PDE4C: variants seen among roughly 807,000 people sequenced by gnomAD.
PDE4C encodes 3',5'-cyclic-AMP phosphodiesterase 4C.
PDE4C carries 50 observed loss-of-function variants against 63.9 expected under a neutral mutation model. That is an observed-to-expected ratio of 0.78 (90% CI 0.62 to 0.99). The LOEUF (loss-of-function observed/expected upper bound fraction) is 0.99. PDE4C is among the 50% of genes least tolerant of loss of function. The pLI, the probability that PDE4C is intolerant of heterozygous loss-of-function variation, is 0.00. For missense variants in PDE4C, 777 were observed against 899.1 expected, an observed-to-expected ratio of 0.86 and a Z score of 1.74; for synonymous variants, 377 against 385.1, an observed-to-expected ratio of 0.98 and a Z score of 0.25.
intron 1 of PDE4C, among the ~76,000 whole-genome samples, chr19:18,238,923 G>A (rs971262867): frequency 1.8e-4 from 28 of 151,934 alleles, no homozygotes; most frequent in Middle Eastern, 3.4e-3. Context: ...CCCGGGAGGC[G>A]GAGGCTGCAG....
chr19:18,233,303 CGAGGA>C, exon 1 of PDE4C: 1 of 1,448,152 alleles, frequency 6.9e-7, no homozygotes. Context: ...GAGGCGACAG[CGAGGA>C]GCTGTCCGCG....
At chr19:18,217,049 G>A (rs1017401836) in intron 11 of PDE4C, 154 bp from the exon 12 acceptor site, 15 of 787,556 alleles carry the variant, frequency 1.9e-5, no homozygotes, top group African/African-American at 5.3e-5. Context: ...GGTCCCTGGC[G>A]CTTCCCTGAC....
intron 12 of PDE4C, among the ~76,000 whole-genome samples, chr19:18,214,923 T>TGAGTGACA (rs1464581515): frequency 2.0e-4 from 28 of 138,054 alleles, no homozygotes; most frequent in African/African-American, 7.5e-4. Flanking sequence ...CACTCCAGCC[T>TGAGTGACA]GAGTGACAGA....
exon 1 of PDE4C, chr19:18,233,022 C>T (rs1362777502): frequency 6.5e-7 from 1 of 1,539,648 alleles, no homozygotes; most frequent in Non-Finnish European, 8.8e-7. Flanking sequence ...GTCCCTCTCG[C>T]GGCAGCCCGC....
At chr19:18,252,319 G>A, upstream of PDE4C, 1 of 399,122 alleles carries the variant, frequency 2.5e-6, no homozygotes, top group Non-Finnish European at 4.4e-6. Flanking sequence ...GAACTTGAGG[G>A]GCTGAGGTGG....
chr19:18,234,975 G>A (rs546114893), upstream of PDE4C, among the ~76,000 whole-genome samples: 2 of 152,278 alleles, frequency 1.3e-5, no homozygotes, highest in Admixed American at 1.3e-4. Context: ...TCACTGGCTG[G>A]CTCTGTCACT....
upstream of PDE4C, among the ~76,000 whole-genome samples, chr19:18,252,694 T>C (rs1378314340): frequency 6.6e-6 from 1 of 151,988 alleles, no homozygotes; most frequent in African/African-American, 2.4e-5. Flanking sequence ...CTCAGCTCAC[T>C]GCAACCTCCA....
upstream of PDE4C, among the ~76,000 whole-genome samples, chr19:18,228,314 G>A (rs1161517489): frequency 6.6e-6 from 1 of 152,176 alleles, no homozygotes; most frequent in African/African-American, 2.4e-5. Context: ...TGTAAACTGA[G>A]TGCTTCAAAA....
chr19:18,230,628 A>G (rs1018762716), upstream of PDE4C, among the ~76,000 whole-genome samples: 3 of 152,112 alleles, frequency 2.0e-5, no homozygotes, highest in African/African-American at 7.2e-5. Context: ...GGCTTTGCAC[A>G]TTCTGTTCCT....
At position 18,220,037 on chromosome 19, in the gene PDE4C, G is replaced by A. The variant is rs748309853; in HGVS notation, c.706+189C>T. 5.3e-5 allele frequency among the ~76,000 whole-genome samples: 8 copies of A among 152,026 alleles called. No homozygotes were observed. Among genetic ancestry groups the A allele is most frequent in the African/African-American group, 9.7e-5 (4 of 41,402 alleles). The stretch of plus-strand genomic sequence containing the variant: ...AAATTTCTACTCATGCTTCAAAACC[G>A]TAGCTTTAATGTCCCCTGCTCCTGG... On this transcript the variant is annotated intron_variant, in intron 7 of 14. Transcript: ENST00000262805. The surrounding 1 kb of genome is among the most constrained non-coding windows in gnomAD (Gnocchi z 5.1).
chr19:18,230,633 G>A (rs1339638178), upstream of PDE4C, among the ~76,000 whole-genome samples: 1 of 152,136 alleles, frequency 6.6e-6, no homozygotes, highest in Non-Finnish European at 1.5e-5. Flanking sequence ...TGCACATTCT[G>A]TTCCTTCTAC....
At chr19:18,243,110 CT>C (rs986056338) in intron 1 of PDE4C, among the ~76,000 whole-genome samples, 27 of 151,422 alleles carry the variant, frequency 1.8e-4, no homozygotes, top group Admixed American at 2.6e-4. Context: ...TGACTGGTGA[CT>C]TTTTTTTTCT....
At chr19:18,216,686 A>G in intron 12 of PDE4C, 55 bp downstream of exon 12, 1 of 1,505,482 alleles carries the variant, frequency 6.6e-7, no homozygotes, top group Non-Finnish European at 8.9e-7. Context: ...TGCAGATGAG[A>G]AGGATGCCCC....
chr19:18,209,997 G>A (rs1302657657), downstream of PDE4C: 1 of 151,594 alleles, frequency 6.6e-6, no homozygotes, highest in African/African-American at 2.4e-5. Context: ...CTCGGCCTCA[G>A]AGCCCCGTCT....
At chr19:18,250,003 G>A (rs78460932), upstream of PDE4C, 4,657 of 397,688 alleles carry the variant, frequency 0.012, 208 homozygotes, top group African/African-American at 0.087. Flanking sequence ...GTTTTCACAC[G>A]AGTCCATAAC....
At chr19:18,226,348 G>C (rs1171308021) in exon 1 of PDE4C, 1 of 1,527,084 alleles carries the variant, frequency 6.5e-7, no homozygotes, top group African/African-American at 1.4e-5. Flanking sequence ...GAGCCCGGGG[G>C]AGCCGCGCGG....
chr19:18,250,066 G>A, upstream of PDE4C: 1 of 398,702 alleles, frequency 2.5e-6, no homozygotes, highest in Non-Finnish European at 4.4e-6. Context: ...ATTTCCTCAG[G>A]TTCTGCTCCT....
chr19:18,216,675 C>G, intron 12 of PDE4C, 66 bp downstream of exon 12: 3 of 1,473,946 alleles, frequency 2.0e-6, no homozygotes, highest in Non-Finnish European at 2.7e-6. Flanking sequence ...ACCCTGCTGT[C>G]TGCAGATGAG....
At chr19:18,230,813 C>T (rs1423439164), upstream of PDE4C, among the ~76,000 whole-genome samples, 1 of 152,174 alleles carries the variant, frequency 6.6e-6, no homozygotes, top group African/African-American at 2.4e-5. Flanking sequence ...GCCTTCTCCA[C>T]CTGGTATGAG....
Sources: gnomAD v4.1 joint callset for allele counts (sites outside exome capture counted in the v4.1 genomes callset) on GRCh38, gnomAD v4.1.1 for gene constraint, Gnocchi (gnomAD v3.1) non-coding constraint, MANE v1.5 for transcripts, NCBI Gene and HGNC (gene_info 2026-07-23, HGNC 2026-07-21) for gene names.